Variants in SLC17A1 observed in about 807,000 individuals in gnomAD.
SLC17A1 encodes the protein solute carrier family 17 member 1.
A neutral mutation model predicts 53.5 loss-of-function variants in SLC17A1; 51 were observed. The observed-to-expected ratio is 0.95, with a 90% CI of 0.76 to 1.20. The LOEUF (loss-of-function observed/expected upper bound fraction) is 1.20. Ranked by LOEUF, SLC17A1 falls within the 50% of genes most tolerant of loss-of-function variation. SLC17A1 has a pLI of 0.00. For missense variants in SLC17A1, 538 were observed against 568.2 expected (o/e 0.95, Z 0.54); for synonymous variants, 179 against 198.8 (o/e 0.90, Z 0.84).
the SLC17A1 span, among the ~76,000 whole-genome samples, chr6:25,724,059 A>C: frequency 2.6e-5 from 4 of 152,214 alleles, no homozygotes; most frequent in Non-Finnish European, 5.9e-5. Flanking sequence ...CCCTTCTAAT[A>C]TTTCCCCAAA....
the SLC17A1 span, among the ~76,000 whole-genome samples, chr6:25,727,701 G>C: frequency 5.3e-5 from 8 of 151,990 alleles, no homozygotes; most frequent in African/African-American, 1.7e-4. Flanking sequence ...ATCAGCTGTG[G>C]GCCGAGGGTA....
chr6:25,760,393 T>C, the SLC17A1 span, among the ~76,000 whole-genome samples: 2 of 152,204 alleles, frequency 1.3e-5, no homozygotes, highest in Admixed American at 6.5e-5. Context: ...TCTATTATTA[T>C]AAATAAGTTT....
chr6:25,786,630 CT>C (rs1468955341), intron 12 of SLC17A1, among the ~76,000 whole-genome samples: 4 of 152,110 alleles, frequency 2.6e-5, no homozygotes, highest in African/African-American at 7.2e-5. Flanking sequence ...CATTTCCTGC[CT>C]TGTCAGCCTC....
chr6:25,819,753 G>A lies in SLC17A1; in HGVS notation c.370C>T (p.Leu124Phe), dbSNP rs1335101288. ...CCAATTCCAGCTGCTGGTGGGATGA[G>A]CAGGCTTAACACAGAGCTGAGGCAT... Reference protein sequence around the residue: ...ALCLSSVLSLLIPPAAGIGVA... With the variant: ...ALCLSSVLSLFIPPAAGIGVA... The change falls in exon 4 of 13, where the codon CTC (leucine) becomes TTC (phenylalanine). Residue 124 changes from leucine to phenylalanine, a missense_variant. By Grantham distance (22) the Leu-to-Phe change is conservative. Coordinates refer to ENST00000244527, the MANE Select transcript of SLC17A1 (RefSeq NM_005074.5). The A allele has an allele frequency of 1.2e-6, 2 of 1,614,178 alleles. No individual in the cohort carries two copies. Among genetic ancestry groups the A allele is most frequent in the Non-Finnish European group, 1.7e-6 (2 of 1,180,016 alleles).
chr6:25,726,688 A>G, the SLC17A1 span: 13 of 1,087,282 alleles, frequency 1.2e-5, no homozygotes, highest in East Asian at 4.9e-5. Context: ...CATTCACGCC[A>G]CTTCCCATTG....
At chr6:25,830,003 AG>A (rs1406882991) in intron 2 of SLC17A1, among the ~76,000 whole-genome samples, 3 of 152,198 alleles carry the variant, frequency 2.0e-5, no homozygotes, top group South Asian at 2.1e-4. Context: ...AAGTTGAAAA[AG>A]TATACAATCT....
At position 25,811,689 on chromosome 6, in the gene SLC17A1, T is replaced by A; in HGVS notation, c.979A>T (p.Thr327Ser). 1 of 1,613,898 alleles carries A rather than the reference T, an allele frequency of 6.2e-7. No individual in the cohort carries two copies. Among genetic ancestry groups the A allele is most frequent in the Non-Finnish European group, 8.5e-7 (1 of 1,179,828 alleles). Residue 327 changes from threonine (T) to serine (S), a missense_variant, in exon 9 of 13, where the codon ACC becomes TCC. Coordinates refer to ENST00000244527, the MANE Select transcript of SLC17A1 (RefSeq NM_005074.5). ...GCAATTACGCTGAGAATATTCCTGG[T>A]CAGGAAGAAGTCTGATAACTGACCT... ...LAGQLSDFFL[T>S]RNILSVIAVR...
chr6:25,762,636 A>AACAGCATCATGCTACT, the SLC17A1 span, among the ~76,000 whole-genome samples: 1 of 152,206 alleles, frequency 6.6e-6, no homozygotes, highest in African/African-American at 2.4e-5. Flanking sequence ...TCAAAAGGCA[A>AACAGCATCATGCTACT]AACCCTAACC....
chr6:25,758,575 C>T, the SLC17A1 span, among the ~76,000 whole-genome samples: 2 of 152,080 alleles, frequency 1.3e-5, no homozygotes, highest in Non-Finnish European at 2.9e-5. Context: ...AGTTTACACA[C>T]GTAAAGGTGT....
chr6:25,756,850 G>A, the SLC17A1 span, among the ~76,000 whole-genome samples: 1 of 152,194 alleles, frequency 6.6e-6, no homozygotes, highest in Non-Finnish European at 1.5e-5. Context: ...AACACTCGAA[G>A]AGTCTGTGTG....
the SLC17A1 span, chr6:25,732,154 C>T: frequency 2.2e-6 from 1 of 456,282 alleles, no homozygotes; most frequent in South Asian, 2.5e-5. Flanking sequence ...TTGAAGCAAG[C>T]TCCAGCATGT....
the SLC17A1 span, chr6:25,726,756 C>T: frequency 8.9e-7 from 1 of 1,127,164 alleles, no homozygotes; most frequent in Non-Finnish European, 1.3e-6. Context: ...ATAAATACCG[C>T]ATCTTTCATC....
the SLC17A1 span, among the ~76,000 whole-genome samples, chr6:25,759,262 T>C: frequency 6.6e-6 from 1 of 152,214 alleles, no homozygotes; most frequent in African/African-American, 2.4e-5. Flanking sequence ...ATGAATAGAA[T>C]GTATATTCTG....
the SLC17A1 span, among the ~76,000 whole-genome samples, chr6:25,760,863 C>T: frequency 9.2e-5 from 14 of 152,192 alleles, no homozygotes; most frequent in South Asian, 2.5e-3. Context: ...TTTATTTCTT[C>T]AATTATTTAA....
rs755230231 is a variant in SLC17A1, at chr6:25,812,834, T to G, written c.894A>C (p.Lys298Asn). Residue 298 changes from lysine (K) to asparagine (N), a missense_variant, in exon 8 of 13, where the codon AAA becomes AAC. Coordinates refer to ENST00000244527, the MANE Select transcript of SLC17A1 (RefSeq NM_005074.5). ...FINSMLHVNI[K>N]ENGFLSSLPY... ...AAAGAACAAATAGTATACTTACCTC[T>G]TTTATATTAACATGAAGCATGGAGT... The G allele has an allele frequency of 1.9e-6, 3 of 1,602,916 alleles. No individual in the cohort carries two copies. The South Asian group carries it at 3.4e-5, about 18-fold the overall frequency.
intron 10 of SLC17A1, among the ~76,000 whole-genome samples, chr6:25,807,558 C>A (rs2151487728): frequency 6.6e-6 from 1 of 152,082 alleles, no homozygotes; most frequent in South Asian, 2.1e-4. Context: ...GTGCACCCAT[C>A]ATCTGAGCAG....
intron 2 of SLC17A1, among the ~76,000 whole-genome samples, chr6:25,827,063 A>T (rs1764776395): frequency 6.6e-6 from 1 of 152,190 alleles, no homozygotes; most frequent in African/African-American, 2.4e-5. Context: ...TGGCATTTTA[A>T]AAAAATGTAA....
chr6:25,819,477 T>C (rs764858514), intron 5 of SLC17A1, 34 bp downstream of exon 5: 22 of 1,500,534 alleles, frequency 1.5e-5, no homozygotes, highest in African/African-American at 1.4e-5. Flanking sequence ...GAGATGAAGA[T>C]AGGATTCAAA....
chr6:25,775,209 G>T, the SLC17A1 span, among the ~76,000 whole-genome samples: 1 of 151,902 alleles, frequency 6.6e-6, no homozygotes, highest in Non-Finnish European at 1.5e-5. Flanking sequence ...GCATCTGCCT[G>T]TAGTCCCAGC....
Sources: allele counts gnomAD v4.1 joint callset (sites outside exome capture counted in the v4.1 genomes callset), GRCh38; gene constraint gnomAD v4.1.1; transcripts MANE v1.5; gene names NCBI Gene and HGNC (gene_info 2026-07-23, HGNC 2026-07-21).